The following PRR14L variants were observed in gnomAD, a reference collection of about 807,000 sequenced individuals.
PRR14L encodes protein PRR14L.
PRR14L carries 80 observed loss-of-function variants against 155.0 expected under a neutral mutation model. The observed-to-expected ratio is 0.52, with a 90% confidence interval of 0.43 to 0.62. PRR14L has a LOEUF of 0.62. Ranked by LOEUF, PRR14L falls within the 20% of genes least tolerant of loss-of-function variation. PRR14L has a pLI of 0.00. For missense variants in PRR14L, 2,469 were observed against 2,548.0 expected (o/e 0.97, Z 0.67); for synonymous variants, 883 against 916.0 (o/e 0.96, Z 0.65).
intron 7 of PRR14L, 62 bp from the exon 8 acceptor site, chr22:31,688,289 G>A (rs147071363): frequency 0.017 from 24,388 of 1,466,318 alleles, 217 homozygotes; most frequent in Middle Eastern, 0.019. Context: ...TTCAGAGAAG[G>A]TCTTGCTCTG....
chr22:31,707,727 A>G (rs1201090424), intron 4 of PRR14L, among the ~76,000 whole-genome samples: 1 of 152,212 alleles, frequency 6.6e-6, no homozygotes, highest in Admixed American at 6.5e-5. Context: ...AACACATAGC[A>G]GAGCAATTAT....
intron 1 of PRR14L, 42 bp from the exon 2 acceptor site, chr22:31,738,953 A>G: frequency 1.1e-6 from 1 of 888,940 alleles, no homozygotes; most frequent in East Asian, 2.7e-5. Context: ...TAAAACCTTG[A>G]TAGGTTAGAA....
intron 2 of PRR14L, among the ~76,000 whole-genome samples, chr22:31,737,145 C>T (rs2074786323): frequency 6.6e-6 from 1 of 151,918 alleles, no homozygotes; most frequent in Admixed American, 6.6e-5. Context: ...AGAAAACCAC[C>T]CTGTGGAGAG....
chr22:31,706,261 G>C lies in PRR14L; in HGVS notation c.5757-1535C>G, dbSNP rs183233331. Among the ~76,000 whole-genome samples the C allele has an allele frequency of 1.6e-3, 233 of 149,720 alleles. No individual in the cohort carries two copies. In the South Asian group the frequency reaches 0.019, roughly 12 times the overall value. Reference sequence around the variant, plus strand: ...CAGGAGAATTGCTTGAACCCGGGAGGGTGAGGCAGGAGAACTGCTTGAACC... The same window carrying C: ...CAGGAGAATTGCTTGAACCCGGGAGCGTGAGGCAGGAGAACTGCTTGAACC... On this transcript the variant is annotated intron_variant, in intron 4 of 8. Coordinates refer to ENST00000327423, the MANE Select transcript of PRR14L (RefSeq NM_173566.3).
intron 2 of PRR14L, among the ~76,000 whole-genome samples, chr22:31,727,140 C>G (rs1021108328): frequency 3.9e-5 from 6 of 152,086 alleles, no homozygotes; most frequent in Admixed American, 3.9e-4. Context: ...ACTTGTGGCT[C>G]TAAGGTGCCG....
chr22:31,709,461 G>A (rs1016772117), intron 4 of PRR14L, among the ~76,000 whole-genome samples: 5 of 136,770 alleles, frequency 3.7e-5, no homozygotes, highest in East Asian at 2.2e-4. Flanking sequence ...TCACCACGTC[G>A]GTCAGGCCCG....
At chr22:31,737,556 G>A (rs2074788988) in intron 2 of PRR14L, among the ~76,000 whole-genome samples, 2 of 151,768 alleles carry the variant, frequency 1.3e-5, no homozygotes, top group Non-Finnish European at 2.9e-5. Context: ...CAGAAGCCGA[G>A]GTGGGAAGAT....
chr22:31,709,760 C>G (rs540964843), intron 4 of PRR14L, among the ~76,000 whole-genome samples: 5 of 150,986 alleles, frequency 3.3e-5, no homozygotes, highest in Admixed American at 6.6e-5. Context: ...AGGCTGGTCT[C>G]GAACTCCTGA....
chr22:31,723,010 T>C (rs947616698), intron 3 of PRR14L, among the ~76,000 whole-genome samples: 4 of 152,150 alleles, frequency 2.6e-5, no homozygotes, highest in African/African-American at 9.7e-5. Flanking sequence ...CAGGCCTGTC[T>C]CCACAGAATC....
intron 4 of PRR14L, among the ~76,000 whole-genome samples, chr22:31,710,676 G>A (rs1352653817): frequency 6.6e-6 from 1 of 151,860 alleles, no homozygotes; most frequent in Admixed American, 6.6e-5. Flanking sequence ...GGATGGTCTC[G>A]ATCTCCTGAC....
At chr22:31,728,141 G>A (rs2074727929) in intron 2 of PRR14L, among the ~76,000 whole-genome samples, 2 of 152,112 alleles carry the variant, frequency 1.3e-5, no homozygotes, top group Non-Finnish European at 2.9e-5. Flanking sequence ...ATGGATGAGG[G>A]CAACAGAACA....
intron 2 of PRR14L, among the ~76,000 whole-genome samples, chr22:31,737,625 TA>T (rs34079863): frequency 3.5e-3 from 497 of 141,690 alleles, no homozygotes; most frequent in Admixed American, 3.4e-3. Flanking sequence ...CTGCCTCTAT[TA>T]AAAAAAAAAA....
chr22:31,697,054 G>A (rs978475881), intron 7 of PRR14L, among the ~76,000 whole-genome samples: 2 of 152,164 alleles, frequency 1.3e-5, no homozygotes, highest in African/African-American at 4.8e-5. Context: ...GGCAGAGGTT[G>A]CCATGAGCCG....
At chr22:31,686,160 G>T (rs2147850128) in intron 8 of PRR14L, among the ~76,000 whole-genome samples, 1 of 149,524 alleles carries the variant, frequency 6.7e-6, no homozygotes, top group East Asian at 2.0e-4. Flanking sequence ...GTGCAGTGGT[G>T]TGATCTCCGC....
intron 7 of PRR14L, among the ~76,000 whole-genome samples, chr22:31,692,908 T>C (rs557175138): frequency 6.6e-6 from 1 of 151,870 alleles, no homozygotes; most frequent in Non-Finnish European, 1.5e-5. Flanking sequence ...CCAAAGTGCT[T>C]GGATTACAGG....
chr22:31,716,503 A>G lies in PRR14L; in HGVS notation c.1336T>C (p.Cys446Arg). The G allele has an allele frequency of 6.5e-7, 1 of 1,547,572 alleles. No homozygotes were observed. The highest frequency in any genetic ancestry group is 2.4e-5 in the East Asian group (1 of 40,918). Residue 446 changes from cysteine to arginine, a missense_variant, in exon 4 of 9, where the codon TGC (cysteine) becomes CGC (arginine). Transcript: ENST00000327423. Reference protein sequence around the residue: ...VSPKENIHNNCIQDSLHTGNS... With the variant: ...VSPKENIHNNRIQDSLHTGNS... ...CCTGTATGGAGACTGTCTTGAATGC[A>G]GTTATTGTGGATATTTTCCTTTGGA...
rs147194726 is a variant in PRR14L, at chr22:31,700,040, G to A, written c.6107+1616C>T. Among the ~76,000 whole-genome samples, 53 of 152,132 alleles carry A rather than the reference G, an allele frequency of 3.5e-4. No individual in the cohort carries two copies. In the East Asian group the frequency reaches 6.0e-3, roughly 17 times the overall value. Reference sequence around the variant, plus strand: ...GAGGATCTGGCATTTGACATTTGCCGGACCCTTCTCGGTCTGCGCCAGACA... The same window carrying A: ...GAGGATCTGGCATTTGACATTTGCCAGACCCTTCTCGGTCTGCGCCAGACA... On this transcript the variant is annotated intron_variant, in intron 7 of 8. Transcript: ENST00000327423.
Position 31,716,475 on chromosome 22 carries a change from T to C in PRR14L, c.1364A>G (p.Asn455Ser), listed in dbSNP as rs140081. 0.24 allele frequency: 364,858 copies of C among 1,549,222 alleles called. 47,273 individuals are homozygous for C. The highest frequency in any genetic ancestry group is 0.53 in the African/African-American group (38,361 of 72,874). ...NCIQDSLHTG[N>S]SSSLMPNSFT... Reference sequence around the variant, plus strand: ...AGAATTGGGCATTAAAGAACTAGAGTTCCCTGTATGGAGACTGTCTTGAAT... The same window carrying C: ...AGAATTGGGCATTAAAGAACTAGAGCTCCCTGTATGGAGACTGTCTTGAAT... The change falls in exon 4 of 9, where the codon AAC (asparagine) becomes AGC (serine). Residue 455 changes from asparagine (N) to serine (S), a missense_variant. Coordinates refer to ENST00000327423, the MANE Select transcript of PRR14L (RefSeq NM_173566.3).
chr22:31,694,368 C>A (rs2074524885), intron 7 of PRR14L, among the ~76,000 whole-genome samples: 1 of 151,988 alleles, frequency 6.6e-6, no homozygotes, highest in Admixed American at 6.6e-5. Context: ...CCACGCCCGG[C>A]CAGCAGCAAC....
Sources: allele counts gnomAD v4.1 joint callset (sites outside exome capture counted in the v4.1 genomes callset), GRCh38; gene constraint gnomAD v4.1.1; transcripts MANE v1.5; gene names NCBI Gene and HGNC (gene_info 2026-07-23, HGNC 2026-07-21).